RBFOX1: variants seen among roughly 807,000 people sequenced by gnomAD.
The protein encoded by RBFOX1 is RNA binding protein fox-1 homolog 1.
RBFOX1 carries 8 observed loss-of-function variants against 57.7 expected under a neutral mutation model. The ratio of observed to expected loss-of-function variants is 0.14; its 90% CI spans 0.08 to 0.25. RBFOX1 has a LOEUF of 0.25. Among genes scored for constraint, RBFOX1 ranks in the 10% least tolerant of loss-of-function variants. The pLI is 1.00. For synonymous variants in RBFOX1, 326 were observed against 222.4 expected (o/e 1.47, Z -4.15); for missense variants, 611 against 548.5 (o/e 1.11, Z -1.14).
chr16:6,762,763 G>A (rs1279557352), intron 3 of RBFOX1, among the ~76,000 whole-genome samples: 1 of 151,222 alleles, frequency 6.6e-6, no homozygotes, highest in Non-Finnish European at 1.5e-5. Flanking sequence ...TTACCCCAAG[G>A]GGATAGGGGG....
At chr16:5,910,769 G>A (rs2058584070) in intron 4 of RBFOX1, among the ~76,000 whole-genome samples, 1 of 152,142 alleles carries the variant, frequency 6.6e-6, no homozygotes, top group Admixed American at 6.5e-5. Context: ...TGAAAACTTT[G>A]TTTGTTTGTT....
chr16:6,737,609 G>A (rs904904930), intron 3 of RBFOX1, among the ~76,000 whole-genome samples: 6 of 152,164 alleles, frequency 3.9e-5, no homozygotes, highest in African/African-American at 1.2e-4. Flanking sequence ...CTCATTTGAT[G>A]TGAGGGCTTA....
chr16:7,237,201 C>T (rs993914884), intron 4 of RBFOX1, among the ~76,000 whole-genome samples: 30 of 152,306 alleles, frequency 2.0e-4, no homozygotes, highest in African/African-American at 7.0e-4. Context: ...CTTCCCTTGC[C>T]TGGCATCTGG....
rs80156400 is a variant in RBFOX1 at position 7,425,632 on chromosome 16, G to C, written c.28-92515G>C. Among the ~76,000 whole-genome samples the C allele has an allele frequency of 6.5e-3, 997 of 152,252 alleles. 13 individuals carry two copies. The highest frequency in any genetic ancestry group is 0.022 in the African/African-American group (905 of 41,528). ...TGTTTCTAAACTTCTCTGGATAAATGTGTGAAAATAAATGAAATTGTTAAG... is the reference window on the plus strand; with the variant it reads ...TGTTTCTAAACTTCTCTGGATAAATCTGTGAAAATAAATGAAATTGTTAAG... On this transcript the variant is annotated intron_variant, in intron 4 of 15. Transcript: ENST00000550418.
intron 2 of RBFOX1, among the ~76,000 whole-genome samples, chr16:6,533,685 A>G (rs2096693813): frequency 6.6e-6 from 1 of 152,120 alleles, no homozygotes; most frequent in Non-Finnish European, 1.5e-5. Flanking sequence ...GAATGGAAAC[A>G]TTTAACTCAG....
chr16:5,676,265 TAAAG>T (rs1393222629), intron 3 of RBFOX1, among the ~76,000 whole-genome samples: 1 of 150,586 alleles, frequency 6.6e-6, no homozygotes, highest in Non-Finnish European at 1.5e-5. Context: ...AAAAAAAAAA[TAAAG>T]GAAAACATCA....
chr16:5,289,904 T>C (rs1055331624), intron 1 of RBFOX1, among the ~76,000 whole-genome samples: 1 of 152,254 alleles, frequency 6.6e-6, no homozygotes, highest in African/African-American at 2.4e-5. Context: ...TATATGTCCA[T>C]GCAGAAAGCT....
At position 6,011,071 on chromosome 16, in the gene RBFOX1, C is replaced by T. The variant is rs1411006530; in HGVS notation, c.351+143736C>T. Among the ~76,000 whole-genome samples the T allele has an allele frequency of 5.9e-5, 9 of 152,234 alleles. No homozygotes were observed. In the East Asian group the frequency reaches 1.5e-3, roughly 26 times the overall value. ...AATGGCTTAAATATCTTTACTTATC[C>T]ATTTGTAATAAAAAGACTAGGACTT... On this transcript the variant is annotated intron_variant, in intron 4 of 19. Transcript: ENST00000641259.
At chr16:7,369,994 C>A (rs770923020) in intron 4 of RBFOX1, among the ~76,000 whole-genome samples, 2 of 152,150 alleles carry the variant, frequency 1.3e-5, no homozygotes, top group Non-Finnish European at 2.9e-5. Context: ...GCTTTCTGAT[C>A]CCAGAATTCA....
At chr16:6,057,385 C>G (rs114416213) in intron 1 of RBFOX1, among the ~76,000 whole-genome samples, 5 of 151,862 alleles carry the variant, frequency 3.3e-5, no homozygotes, top group African/African-American at 1.2e-4. Flanking sequence ...TAATCCTATT[C>G]TAATATCAGA....
intron 3 of RBFOX1, among the ~76,000 whole-genome samples, chr16:5,835,128 C>G (rs974284830): frequency 2.0e-5 from 3 of 152,138 alleles, no homozygotes; most frequent in Non-Finnish European, 4.4e-5. Context: ...AGGACCCCCC[C>G]CAGAAGTATA....
chr16:5,648,004 C>T (rs1181777744), intron 3 of RBFOX1, among the ~76,000 whole-genome samples: 2 of 152,118 alleles, frequency 1.3e-5, no homozygotes, highest in South Asian at 2.1e-4. Flanking sequence ...GGAGTATAGG[C>T]ATGCAGCACT....
At chr16:5,912,955 C>G (rs940098844) in intron 4 of RBFOX1, among the ~76,000 whole-genome samples, 3 of 152,128 alleles carry the variant, frequency 2.0e-5, no homozygotes, top group African/African-American at 7.2e-5. Flanking sequence ...GTGGGGTGGC[C>G]AGCTTCCTAA....
chr16:6,018,517 TG>T (rs778017473), upstream of RBFOX1, among the ~76,000 whole-genome samples: 147 of 152,062 alleles, frequency 9.7e-4, no homozygotes, highest in Non-Finnish European at 1.2e-3. Context: ...CGGGAGTAGG[TG>T]GCCAGGAAGG....
At chr16:7,657,093 ATCTATATTGTT>A (rs1264705385) in intron 12 of RBFOX1, among the ~76,000 whole-genome samples, 1 of 152,120 alleles carries the variant, frequency 6.6e-6, no homozygotes, top group Non-Finnish European at 1.5e-5. Flanking sequence ...TCCAATATGA[ATCTATATTGTT>A]ACTAAAATAC....
Position 6,684,403 on chromosome 16 carries a change from C to T in RBFOX1, c.-16+29753C>T, listed in dbSNP as rs189324198. Among the ~76,000 whole-genome samples the T allele has an allele frequency of 3.0e-4, 46 of 152,284 alleles. No individual in the cohort carries two copies. The East Asian group carries it at 6.4e-3, about 21-fold the overall frequency. On this transcript the variant is annotated intron_variant, in intron 3 of 15. Transcript: ENST00000550418. ...TTGAGGGCAGATGTTTTCATCTTTT[C>T]CCCCAGTTTAAGTATCATAGGAGAG... is the stretch of plus-strand genomic sequence containing the variant.
At chr16:7,591,667 G>C (rs1357742161) in intron 7 of RBFOX1, among the ~76,000 whole-genome samples, 1 of 152,140 alleles carries the variant, frequency 6.6e-6, no homozygotes, top group African/African-American at 2.4e-5. Flanking sequence ...GGGAAGGTGT[G>C]TCTCTGACTC....
At chr16:5,306,244 A>C (rs1326850140) in intron 1 of RBFOX1, among the ~76,000 whole-genome samples, 1 of 152,234 alleles carries the variant, frequency 6.6e-6, no homozygotes, top group Non-Finnish European at 1.5e-5. Context: ...AAGAAGACTT[A>C]GAACCTTCAG....
At chr16:7,207,771 C>T (rs1243543247) in intron 4 of RBFOX1, among the ~76,000 whole-genome samples, 1 of 152,178 alleles carries the variant, frequency 6.6e-6, no homozygotes, top group Non-Finnish European at 1.5e-5. Flanking sequence ...CTGTTGCACC[C>T]AGTTCATGTA....
Sources: gnomAD v4.1 joint callset for allele counts (sites outside exome capture counted in the v4.1 genomes callset) on GRCh38, gnomAD v4.1.1 for gene constraint, MANE v1.5 for transcripts, NCBI Gene and HGNC (gene_info 2026-07-23, HGNC 2026-07-21) for gene names.